The following MCC variants were observed in gnomAD, a reference collection of about 807,000 sequenced individuals.
MCC encodes MCC regulator of Wnt signaling pathway.
Under a neutral mutation model 116.2 loss-of-function variants are expected in MCC, and 90 were observed. The ratio of observed to expected loss-of-function variants is 0.77; its 90% CI spans 0.65 to 0.92. MCC has a LOEUF of 0.92. Ranked by LOEUF, MCC falls within the 40% of genes least tolerant of loss-of-function variation. MCC has a pLI of 0.00. For missense variants in MCC, 1,516 were observed against 1,312.2 expected, an observed-to-expected ratio of 1.16 and a Z score of -2.40; for synonymous variants, 578 against 510.5, an observed-to-expected ratio of 1.13 and a Z score of -1.78.
chr5:113,208,287 C>G (rs1194859958), intron 3 of MCC, among the ~76,000 whole-genome samples: 2 of 152,170 alleles, frequency 1.3e-5, no homozygotes, highest in Non-Finnish European at 2.9e-5. Flanking sequence ...AAATCAATCC[C>G]TTACATGGCA....
At chr5:113,377,678 G>T (rs1024902375) in intron 2 of MCC, among the ~76,000 whole-genome samples, 16 of 152,156 alleles carry the variant, frequency 1.1e-4, no homozygotes, top group African/African-American at 3.9e-4. Context: ...GAAGGACAAT[G>T]ATTAATAAAA....
chr5:113,352,450 CCT>C (rs1004803490), intron 2 of MCC, among the ~76,000 whole-genome samples: 1 of 152,000 alleles, frequency 6.6e-6, no homozygotes, highest in African/African-American at 2.4e-5. Flanking sequence ...CTCTCTTTCT[CCT>C]GTCTTCCCAT....
intron 1 of MCC, among the ~76,000 whole-genome samples, chr5:113,455,890 C>A (rs1771529043): frequency 6.6e-6 from 1 of 152,074 alleles, no homozygotes. Flanking sequence ...CGGACCTGCA[C>A]AATTATCCCT....
At chr5:113,091,077 G>A (rs564287389) in intron 8 of MCC, among the ~76,000 whole-genome samples, 360 of 152,286 alleles carry the variant, frequency 2.4e-3, no homozygotes, top group Non-Finnish European at 4.0e-3. Flanking sequence ...CTCTCTGCTC[G>A]ACCCATAGGT....
rs144395184 is a variant in MCC, at chr5:113,143,222, T to A, written c.880A>T (p.Ile294Phe). 523 of 1,601,094 alleles carry A rather than the reference T, an allele frequency of 3.3e-4. 7 individuals carry two copies. In the South Asian group the frequency reaches 4.2e-3, roughly 13 times the overall value. The part of the protein sequence containing the change: ...KKIDRLQGTT[I>F]REEDEYSELR... ...AAGCCGAATGGAGCCGCGTACCTGATGGTGGTGCCTTGCAGACGGTCTATC... is the reference window on the plus strand; with the variant it reads ...AAGCCGAATGGAGCCGCGTACCTGAAGGTGGTGCCTTGCAGACGGTCTATC... The change falls in exon 5 of 19, where the codon ATC becomes TTC. Residue 294 changes from isoleucine (I) to phenylalanine (F), a missense_variant. Coordinates refer to ENST00000408903, the MANE Select transcript of MCC (RefSeq NM_001085377.2).
chr5:113,323,128 C>T (rs536513668), intron 3 of MCC: 1 of 152,294 alleles, frequency 6.6e-6, no homozygotes, highest in Non-Finnish European at 1.5e-5. Flanking sequence ...TTTCAATAGG[C>T]CACTTTGGAG....
chr5:113,263,973 C>T (rs1480558231), intron 3 of MCC, among the ~76,000 whole-genome samples: 1 of 151,722 alleles, frequency 6.6e-6, no homozygotes, highest in African/African-American at 2.4e-5. Flanking sequence ...GGAAACCAAA[C>T]CACCTGATTT....
chr5:113,274,154 C>G (rs968985309), intron 3 of MCC, among the ~76,000 whole-genome samples: 6 of 152,194 alleles, frequency 3.9e-5, no homozygotes, highest in Admixed American at 1.3e-4. Context: ...TCAGACAGTA[C>G]CACTTCCTGT....
chr5:113,034,763 CCAA>C (rs1168867032), intron 17 of MCC, among the ~76,000 whole-genome samples: 4 of 152,264 alleles, frequency 2.6e-5, no homozygotes, highest in Non-Finnish European at 4.4e-5. Context: ...CCAGTGAGCT[CCAA>C]GTTGTTGCAT....
intron 3 of MCC, among the ~76,000 whole-genome samples, chr5:113,318,818 G>A (rs1019518359): frequency 5.3e-5 from 8 of 151,968 alleles, no homozygotes; most frequent in African/African-American, 9.7e-5. Context: ...CGTGTGCCCC[G>A]GAACTTAAAA....
intron 3 of MCC, among the ~76,000 whole-genome samples, chr5:113,319,550 C>A (rs888158733): frequency 1.3e-5 from 2 of 152,048 alleles, no homozygotes; most frequent in African/African-American, 4.8e-5. Context: ...GTGAGCTGGA[C>A]CAAGAGAAGA....
chr5:113,054,714 G>A (rs753087389), intron 14 of MCC, among the ~76,000 whole-genome samples: 4 of 152,170 alleles, frequency 2.6e-5, no homozygotes, highest in Admixed American at 1.3e-4. Context: ...TTCACTATAG[G>A]GACTCGGGCT....
chr5:113,282,488 C>G (rs1288843861), intron 3 of MCC, among the ~76,000 whole-genome samples: 1 of 152,192 alleles, frequency 6.6e-6, no homozygotes, highest in Non-Finnish European at 1.5e-5. Context: ...AAAAGGCATA[C>G]TGACTTCTGC....
chr5:113,103,777 C>A (rs767774072), intron 7 of MCC, among the ~76,000 whole-genome samples: 5 of 152,166 alleles, frequency 3.3e-5, no homozygotes, highest in Admixed American at 2.0e-4. Flanking sequence ...ATTCCTGTCA[C>A]CATCTCAAAC....
chr5:113,216,166 T>C (rs969533541), intron 3 of MCC, among the ~76,000 whole-genome samples: 10 of 151,566 alleles, frequency 6.6e-5, no homozygotes, highest in Non-Finnish European at 2.9e-5. Flanking sequence ...AATTAAGAAA[T>C]TGCACCAGAG....
chr5:113,076,599 C>T (rs149880874), intron 11 of MCC, among the ~76,000 whole-genome samples: 13 of 152,206 alleles, frequency 8.5e-5, no homozygotes, highest in South Asian at 8.3e-4. Context: ...CCTTTACAGA[C>T]GAACAAATGC....
At chr5:113,397,413 C>T (rs533823955) in intron 1 of MCC, among the ~76,000 whole-genome samples, 3 of 151,990 alleles carry the variant, frequency 2.0e-5, no homozygotes, top group Middle Eastern at 6.8e-3. Flanking sequence ...TCTGAAAAAA[C>T]GCTTTTGGTT....
intron 3 of MCC, among the ~76,000 whole-genome samples, chr5:113,199,331 G>A (rs901131943): frequency 3.9e-5 from 6 of 152,072 alleles, no homozygotes; most frequent in African/African-American, 1.2e-4. Flanking sequence ...CAGGAGTAAG[G>A]CCCTCTTTGT....
At chr5:113,066,059 G>C (rs1423356802) in intron 13 of MCC, among the ~76,000 whole-genome samples, 1 of 152,220 alleles carries the variant, frequency 6.6e-6, no homozygotes, top group Non-Finnish European at 1.5e-5. Context: ...AATTAGGCAT[G>C]ACATTACTTA....
Sources: allele counts gnomAD v4.1 joint callset (sites outside exome capture counted in the v4.1 genomes callset), GRCh38; gene constraint gnomAD v4.1.1; transcripts MANE v1.5; gene names NCBI Gene and HGNC (gene_info 2026-07-23, HGNC 2026-07-21).